The following MALRD1 variants were observed in gnomAD, a reference collection of about 807,000 sequenced individuals.
The protein encoded by MALRD1 is MAM and LDL receptor class A domain containing 1.
In MALRD1, 247 loss-of-function variants were observed where a neutral mutation model predicts 242.1. That is an observed-to-expected ratio of 1.02 (90% CI 0.92 to 1.13). MALRD1 has a LOEUF of 1.13. Among genes scored for constraint, MALRD1 ranks in the 50% most tolerant of loss-of-function variants. The probability of loss-of-function intolerance (pLI) is 0.00; values close to 1 mark genes in which losing one functional copy is unlikely to be tolerated. For synonymous variants in MALRD1, 995 were observed against 866.6 expected, an observed-to-expected ratio of 1.15 and a Z score of -2.60; for missense variants, 2,989 against 2,533.1, an observed-to-expected ratio of 1.18 and a Z score of -3.86.
At chr10:19,687,591 C>T (rs926224458) in intron 36 of MALRD1, among the ~76,000 whole-genome samples, 4 of 152,126 alleles carry the variant, frequency 2.6e-5, no homozygotes, top group Admixed American at 1.3e-4. Context: ...CACCCTTTAC[C>T]CCAACCAACT....
At chr10:19,137,854 A>G (rs1043288688) in intron 10 of MALRD1, among the ~76,000 whole-genome samples, 1 of 152,214 alleles carries the variant, frequency 6.6e-6, no homozygotes, top group Non-Finnish European at 1.5e-5. Context: ...TCTTTAGAAA[A>G]CATGAATTCC....
At chr10:19,348,083 T>C in intron 25 of MALRD1, 65 bp downstream of exon 25, 1 of 1,492,614 alleles carries the variant, frequency 6.7e-7, no homozygotes, top group Non-Finnish European at 9.0e-7. Flanking sequence ...GTTTATAAAT[T>C]GACATACGGA....
chr10:19,537,094 G>A (rs528062321), intron 32 of MALRD1, among the ~76,000 whole-genome samples: 1 of 152,192 alleles, frequency 6.6e-6, no homozygotes, highest in East Asian at 1.9e-4. Context: ...ATAGACAAGA[G>A]GATAAATAAG....
chr10:19,526,946 G>T (rs566569871), intron 31 of MALRD1, among the ~76,000 whole-genome samples: 1 of 152,132 alleles, frequency 6.6e-6, no homozygotes, highest in East Asian at 1.9e-4. Flanking sequence ...AGGAAAGAAG[G>T]TGATGTTCAG....
chr10:19,372,595 G>A (rs945869155), intron 26 of MALRD1, among the ~76,000 whole-genome samples: 4 of 151,852 alleles, frequency 2.6e-5, no homozygotes, highest in East Asian at 1.9e-4. Context: ...AGCCTCCCGA[G>A]TAGCTGGGAT....
intron 31 of MALRD1, among the ~76,000 whole-genome samples, chr10:19,508,253 G>C (rs1237648802): frequency 2.0e-5 from 3 of 152,068 alleles, no homozygotes; most frequent in Non-Finnish European, 4.4e-5. Context: ...AGACAAAAAA[G>C]CTTTTTTCAA....
chr10:19,159,845 A>G (rs1834321770), intron 12 of MALRD1, among the ~76,000 whole-genome samples: 1 of 152,146 alleles, frequency 6.6e-6, no homozygotes. Flanking sequence ...GTAAATCACC[A>G]GATGTTATTT....
chr10:19,064,804 C>T (rs770358508), intron 1 of MALRD1, among the ~76,000 whole-genome samples: 4 of 149,698 alleles, frequency 2.7e-5, no homozygotes, highest in Non-Finnish European at 1.5e-5. Context: ...GAGAGGTGAG[C>T]TGGTGCTGTT....
chr10:19,131,634 A>C (rs1198300521), intron 8 of MALRD1, among the ~76,000 whole-genome samples: 1 of 152,158 alleles, frequency 6.6e-6, no homozygotes, highest in Non-Finnish European at 1.5e-5. Context: ...AGATGCGATC[A>C]AAAGTAGTGA....
intron 34 of MALRD1, among the ~76,000 whole-genome samples, chr10:19,603,152 A>C (rs1838446144): frequency 6.6e-6 from 1 of 151,698 alleles, no homozygotes; most frequent in Admixed American, 6.6e-5. Flanking sequence ...TTGCCTGTTC[A>C]CTCTGATGGT....
intron 31 of MALRD1, among the ~76,000 whole-genome samples, chr10:19,527,145 C>A (rs902170502): frequency 1.3e-5 from 2 of 152,102 alleles, no homozygotes; most frequent in African/African-American, 4.8e-5. Flanking sequence ...AGGTACCAGG[C>A]TGGAAGAAAT....
intron 19 of MALRD1, among the ~76,000 whole-genome samples, chr10:19,262,730 T>C (rs1839808534): frequency 6.6e-6 from 1 of 151,642 alleles, no homozygotes; most frequent in Admixed American, 6.6e-5. Context: ...CTGCTGACTA[T>C]AGTCAACAGA....
intron 4 of MALRD1, among the ~76,000 whole-genome samples, chr10:19,095,164 C>A (rs746849754): frequency 6.6e-6 from 1 of 151,984 alleles, no homozygotes; most frequent in Admixed American, 6.6e-5. Context: ...TTCAATTTTA[C>A]GTTCGATTCT....
intron 18 of MALRD1, 83 bp downstream of exon 18, chr10:19,209,763 TA>T (rs1836961021): frequency 3.0e-6 from 4 of 1,312,690 alleles, no homozygotes; most frequent in Non-Finnish European, 4.1e-6. Context: ...ATTCTCTAAT[TA>T]AAAGCAAGTG....
intron 2 of MALRD1, among the ~76,000 whole-genome samples, chr10:19,070,842 T>A (rs990287155): frequency 2.9e-4 from 9 of 30,772 alleles, no homozygotes; most frequent in Non-Finnish European, 4.9e-4. Flanking sequence ...CAAACTTTTT[T>A]TTTTTTTTTT....
At chr10:19,122,998 A>G (rs367801749) in intron 5 of MALRD1, among the ~76,000 whole-genome samples, 1 of 152,102 alleles carries the variant, frequency 6.6e-6, no homozygotes, top group South Asian at 2.1e-4. Context: ...AGGCCAGCCC[A>G]TGCCTGGGAT....
Position 19,283,011 on chromosome 10 carries a change from C to T in MALRD1, c.3257-8C>T, listed in dbSNP as rs11009290. On this transcript the variant is annotated splice_region_variant and splice_polypyrimidine_tract_variant and intron_variant, in intron 20 of 39. Transcript: ENST00000454679. ...AGCTCACCTTTTCTTTGTTCTACCCCATCCAAGTTATGGAAGTTTGCAGCT... is the reference window on the plus strand; with the variant it reads ...AGCTCACCTTTTCTTTGTTCTACCCTATCCAAGTTATGGAAGTTTGCAGCT... The T allele has an allele frequency of 0.043, 65,207 of 1,534,128 alleles. 2,083 individuals carry two copies. The highest frequency in any genetic ancestry group is 0.16 in the African/African-American group (11,677 of 72,494).
In MALRD1 at chr10:19,312,400, A is replaced by ATATATATGTG. The variant is rs1491220851; in HGVS notation, c.3420-11548_3420-11547insATATATGTGT. 7.6e-3 allele frequency among the ~76,000 whole-genome samples: 1,093 copies of ATATATATGTG among 143,602 alleles called. 9 individuals are homozygous for ATATATATGTG. The highest frequency in any genetic ancestry group is 0.013 in the Non-Finnish European group (826 of 65,094). 94.2% of individuals were successfully genotyped at this position (143,602 alleles called of 152,430 possible). A position where few individuals can be genotyped will look rare whatever the true frequency, so the allele number is the denominator to read the frequency against. The stretch of plus-strand genomic sequence containing the variant: ...TGTGTATATATATATATATATATAT[A>ATATATATGTG]TGTGTATATGTGTGTGTGTGTGTGT... On this transcript the variant is annotated intron_variant, in intron 21 of 39. Transcript: ENST00000454679.
In MALRD1 at chr10:19,262,042, T is replaced by G. The variant is rs553594321; in HGVS notation, c.3079+4271T>G. 3.9e-5 allele frequency among the ~76,000 whole-genome samples: 6 copies of G among 152,274 alleles called. No individual in the cohort carries two copies. In the East Asian group the frequency reaches 1.2e-3, roughly 30 times the overall value. ...TTTTTATGCCCTTAAATTAGTTTAT[T>G]TTTACTTTGTCTTAAAATGTCATCA... On this transcript the variant is annotated intron_variant, in intron 19 of 39. Coordinates refer to ENST00000454679, the MANE Select transcript of MALRD1 (RefSeq NM_001142308.3).
Sources: allele counts gnomAD v4.1 joint callset (sites outside exome capture counted in the v4.1 genomes callset), GRCh38; gene constraint gnomAD v4.1.1; transcripts MANE v1.5; gene names NCBI Gene and HGNC (gene_info 2026-07-23, HGNC 2026-07-21).